The following CCDC7 variants were observed in gnomAD, a reference collection of about 807,000 sequenced individuals.
The protein encoded by CCDC7 is coiled-coil domain-containing protein 7.
In CCDC7, 183 loss-of-function variants were observed where a neutral mutation model predicts 196.9. The ratio of observed to expected loss-of-function variants is 0.93; its 90% CI spans 0.82 to 1.05. The LOEUF (loss-of-function observed/expected upper bound fraction) is 1.05. Ranked by LOEUF, CCDC7 falls within the 50% of genes least tolerant of loss-of-function variation. The pLI is 0.00. For synonymous variants in CCDC7, 525 were observed against 484.6 expected (o/e 1.08, Z -1.10); for missense variants, 1,540 against 1,482.2 (o/e 1.04, Z -0.64).
intron 9 of CCDC7, among the ~76,000 whole-genome samples, chr10:32,497,455 G>A (rs1335835956): frequency 2.6e-5 from 4 of 151,946 alleles, no homozygotes; most frequent in African/African-American, 9.7e-5. Context: ...GTTTGCTCTC[G>A]CTTCTCTTGT....
intron 3 of CCDC7, among the ~76,000 whole-genome samples, chr10:32,461,162 T>A (rs556583278): frequency 6.6e-6 from 1 of 152,272 alleles, no homozygotes; most frequent in South Asian, 2.1e-4. Context: ...TGTGTATGGA[T>A]GCTCCTCAAC....
intron 41 of CCDC7, among the ~76,000 whole-genome samples, chr10:32,867,191 A>G (rs1300799929): frequency 3.3e-5 from 5 of 151,730 alleles, no homozygotes; most frequent in Non-Finnish European, 7.4e-5. Flanking sequence ...TGCAACTTGA[A>G]TATGGGTTAT....
At chr10:32,672,573 G>T (rs2074252079) in intron 21 of CCDC7, among the ~76,000 whole-genome samples, 1 of 152,168 alleles carries the variant, frequency 6.6e-6, no homozygotes, top group African/African-American at 2.4e-5. Flanking sequence ...GGAGTGTACA[G>T]ACACATCACC....
rs115604437 is a variant in CCDC7, at chr10:32,530,336, C to A, written c.993+11831C>A. On this transcript the variant is annotated intron_variant, in intron 11 of 41. Coordinates refer to ENST00000639629, the Ensembl canonical transcript of CCDC7. Reference sequence around the variant, plus strand: ...GATGTTAGTATTTTTATGGGAATTGCATTGAGTTTGTAGATTGCTTTTGGC... The same window carrying A: ...GATGTTAGTATTTTTATGGGAATTGAATTGAGTTTGTAGATTGCTTTTGGC... 8.4e-3 allele frequency among the ~76,000 whole-genome samples: 1,280 copies of A among 152,048 alleles called. 28 individuals carry two copies. The highest frequency in any genetic ancestry group is 0.028 in the African/African-American group (1,179 of 41,526).
chr10:32,654,187 T>C (rs1293058553), intron 20 of CCDC7, among the ~76,000 whole-genome samples: 2 of 152,344 alleles, frequency 1.3e-5, no homozygotes, highest in East Asian at 3.9e-4. Context: ...TATCATGCTA[T>C]TGATTTTCTT....
intron 21 of CCDC7, among the ~76,000 whole-genome samples, chr10:32,685,190 A>G (rs754747997): frequency 7.7e-6 from 1 of 129,738 alleles, no homozygotes; most frequent in Non-Finnish European, 1.6e-5. Flanking sequence ...ACGGTGGCAT[A>G]CAAGTTTTCT....
chr10:32,709,411 T>C (rs1463214995), intron 24 of CCDC7, among the ~76,000 whole-genome samples: 2 of 152,074 alleles, frequency 1.3e-5, no homozygotes, highest in African/African-American at 4.8e-5. Context: ...ATGGCACATG[T>C]ATACATATGT....
chr10:32,582,980 G>T (rs960081245), intron 16 of CCDC7, 54 bp from the exon 18 acceptor site: 10 of 1,059,570 alleles, frequency 9.4e-6, no homozygotes, highest in Non-Finnish European at 1.2e-5. Context: ...TTCTTCAGTT[G>T]CAAATAAAAT....
intron 18 of CCDC7, among the ~76,000 whole-genome samples, chr10:32,632,915 T>C (rs2065072401): frequency 6.6e-6 from 1 of 152,212 alleles, no homozygotes; most frequent in South Asian, 2.1e-4. Flanking sequence ...ATTTGTCTGT[T>C]GGGTGGAGCC....
rs866975680 is a variant in CCDC7, at chr10:32,874,205, G to T, written c.4112-2142G>T. 1.1e-4 allele frequency among the ~76,000 whole-genome samples: 16 copies of T among 148,828 alleles called. No homozygotes were observed. In the South Asian group the frequency reaches 1.3e-3, roughly 12 times the overall value. ...GATATATAAATATATTAACATAAAT[G>T]TGTATATAATTTAATATAAAATGTA... is the stretch of plus-strand genomic sequence containing the variant. On this transcript the variant is annotated intron_variant, in intron 41 of 41. Transcript: ENST00000639629.
At chr10:32,737,283 A>G (rs1226019171) in intron 28 of CCDC7, among the ~76,000 whole-genome samples, 3 of 152,160 alleles carry the variant, frequency 2.0e-5, no homozygotes, top group Non-Finnish European at 4.4e-5. Flanking sequence ...GGATTTTTGC[A>G]TCTTTATTCA....
At chr10:32,683,568 G>A (rs936322871) in intron 21 of CCDC7, among the ~76,000 whole-genome samples, 1 of 152,206 alleles carries the variant, frequency 6.6e-6, no homozygotes, top group Non-Finnish European at 1.5e-5. Context: ...GCTTTGAGTA[G>A]TATGGCAATT....
At position 32,658,434 on chromosome 10, in the gene CCDC7, C is replaced by A. The variant is rs1294127453; in HGVS notation, c.2015-5620C>A. On this transcript the variant is annotated intron_variant, in intron 20 of 41. Coordinates refer to ENST00000639629, the Ensembl canonical transcript of CCDC7. ...GAAGTGCTGTGCAAAGGGGGAAAAA[C>A]CTCTTATAAAACCATTCATATCTCG... Among the ~76,000 whole-genome samples the A allele has an allele frequency of 9.7e-5, 12 of 123,786 alleles. No individual in the cohort carries two copies. In the Admixed American group the frequency reaches 1.0e-3, roughly 11 times the overall value. 81.2% of individuals were successfully genotyped at this position (123,786 alleles called of 152,430 possible).
intron 28 of CCDC7, among the ~76,000 whole-genome samples, chr10:32,776,369 GTT>G (rs5784304): frequency 6.7e-6 from 1 of 149,188 alleles, no homozygotes; most frequent in Non-Finnish European, 1.5e-5. Flanking sequence ...AAGAATAATG[GTT>G]TTTTTTTTAA....
chr10:32,498,435 T>G (rs2043254754), intron 9 of CCDC7, among the ~76,000 whole-genome samples: 1 of 152,190 alleles, frequency 6.6e-6, no homozygotes, highest in South Asian at 2.1e-4. Flanking sequence ...TGATGCTAGC[T>G]GGTTATTTTG....
At chr10:32,637,426 C>A (rs1385745917) in intron 20 of CCDC7, among the ~76,000 whole-genome samples, 1 of 152,148 alleles carries the variant, frequency 6.6e-6, no homozygotes, top group South Asian at 2.1e-4. Flanking sequence ...AAGAAGGGAT[C>A]CAGTTTCAGC....
chr10:32,841,987 T>A (rs1024198993), intron 33 of CCDC7, among the ~76,000 whole-genome samples: 1 of 151,944 alleles, frequency 6.6e-6, no homozygotes, highest in Non-Finnish European at 1.5e-5. Flanking sequence ...AGTCTTGAAA[T>A]CATAAGCTTC....
chr10:32,486,665 G>T (rs867457349), intron 8 of CCDC7, among the ~76,000 whole-genome samples: 5 of 67,610 alleles, frequency 7.4e-5, no homozygotes, highest in African/African-American at 2.2e-4. Context: ...CTTCCTTCAG[G>T]AGCTCTTTTA....
intron 20 of CCDC7, among the ~76,000 whole-genome samples, chr10:32,638,898 C>G (rs1459630033): frequency 1.3e-5 from 2 of 152,158 alleles, no homozygotes; most frequent in Admixed American, 6.5e-5. Context: ...ATTATTGCCT[C>G]TATTTCAGAG....
Sources: gnomAD v4.1 joint callset for allele counts (sites outside exome capture counted in the v4.1 genomes callset) on GRCh38, gnomAD v4.1.1 for gene constraint, MANE v1.5 for transcripts, NCBI Gene and HGNC (gene_info 2026-07-23, HGNC 2026-07-21) for gene names.